SYNJ1: variants seen among roughly 807,000 people sequenced by gnomAD.
The protein encoded by SYNJ1 is synaptojanin 1.
In SYNJ1, 78 loss-of-function variants were observed where a neutral mutation model predicts 168.2. That is an observed-to-expected ratio of 0.46 (90% confidence interval 0.39 to 0.56). The LOEUF is 0.56. Among genes scored for constraint, SYNJ1 ranks in the 20% least tolerant of loss-of-function variants. The pLI, the probability that SYNJ1 is intolerant of heterozygous loss-of-function variation, is 0.00. For synonymous variants in SYNJ1, 539 were observed against 548.6 expected (o/e 0.98, Z 0.24); for missense variants, 1,303 against 1,597.6 (o/e 0.82, Z 3.14).
At chr21:32,718,574 C>T (rs906782493) in intron 2 of SYNJ1, among the ~76,000 whole-genome samples, 2 of 152,022 alleles carry the variant, frequency 1.3e-5, no homozygotes, top group East Asian at 3.9e-4. Context: ...AAAGTCACTT[C>T]TTCCCTCAAC....
chr21:32,710,722 G>C (rs919725217), intron 2 of SYNJ1, among the ~76,000 whole-genome samples: 7 of 152,064 alleles, frequency 4.6e-5, no homozygotes, highest in African/African-American at 1.7e-4. Context: ...AAAGGGACTT[G>C]TAAGTCCTAC....
At chr21:32,710,970 T>C (rs2042808800) in intron 2 of SYNJ1, among the ~76,000 whole-genome samples, 1 of 152,220 alleles carries the variant, frequency 6.6e-6, no homozygotes, top group South Asian at 2.1e-4. Flanking sequence ...AATAAGTTTG[T>C]TTTTGCTCAT....
At chr21:32,727,919 C>A in intron 1 of SYNJ1, 27 bp downstream of exon 1, 1 of 1,531,852 alleles carries the variant, frequency 6.5e-7, no homozygotes. Context: ...GCCGCAGCAG[C>A]TCCCCGCCCC....
At chr21:32,720,052 C>A (rs2043165316) in intron 2 of SYNJ1, among the ~76,000 whole-genome samples, 1 of 151,988 alleles carries the variant, frequency 6.6e-6, no homozygotes, top group Non-Finnish European at 1.5e-5. Context: ...CCAGCCTGAC[C>A]AACATGGAGA....
intron 22 of SYNJ1, 81 bp downstream of exon 22, chr21:32,653,207 T>C (rs1160363730): frequency 9.0e-6 from 10 of 1,105,118 alleles, no homozygotes; most frequent in South Asian, 2.7e-5. Flanking sequence ...TAGATAATCT[T>C]GCTGCATGTC....
In SYNJ1 at chr21:32,645,715, G is replaced by A. The variant is rs1430771224; in HGVS notation, c.3322C>T (p.Pro1108Ser). 1 of 1,471,710 alleles carries A rather than the reference G, an allele frequency of 6.8e-7. No individual in the cohort carries two copies. The highest frequency in any genetic ancestry group is 9.0e-7 in the Non-Finnish European group (1 of 1,113,348). 91.2% of individuals were successfully genotyped at this position (1,471,710 alleles called of 1,614,324 possible). A position where few individuals can be genotyped will look rare whatever the true frequency, so the allele number is the denominator to read the frequency against. Reference protein sequence around the residue: ...DPAQPLEPKRPPPPRPVAPPT... With the variant: ...DPAQPLEPKRSPPPRPVAPPT... Reference sequence around the variant, plus strand: ...GGGGCGACCGGGCGGGGCGGCGGCGGCCGCTTGGGCTCCAAGGGCTGGGCG... The same window carrying A: ...GGGGCGACCGGGCGGGGCGGCGGCGACCGCTTGGGCTCCAAGGGCTGGGCG... Residue 1108 changes from proline (P) to serine (S), a missense_variant, in exon 25 of 33, where the codon CCG becomes TCG. Transcript: ENST00000674351.
chr21:32,676,224 CA>C (rs1266731628), intron 13 of SYNJ1, 107 bp downstream of exon 13: 1 of 840,240 alleles, frequency 1.2e-6, no homozygotes, highest in Admixed American at 3.4e-5. Flanking sequence ...GATCTGATGG[CA>C]AAATGAGAAA....
intron 18 of SYNJ1, among the ~76,000 whole-genome samples, chr21:32,662,607 A>C (rs561283101): frequency 1.3e-4 from 20 of 152,342 alleles, no homozygotes; most frequent in African/African-American, 3.8e-4. Context: ...GCCCAAACGC[A>C]TAATCTTGAA....
Position 32,631,417 on chromosome 21 carries a change from C to T in SYNJ1, c.*388G>A, listed in dbSNP as rs1283277174. On this transcript the variant is annotated 3_prime_UTR_variant, in exon 33 of 33. Coordinates refer to ENST00000674351, the MANE Select transcript of SYNJ1 (RefSeq NM_203446.3). ...GGGAAAGGACTGATAGTAACGGGCT[C>T]TTCTTTGGAGAACCATGAAGTTGCC... 4 of 1,614,066 alleles carry T rather than the reference C, an allele frequency of 2.5e-6. No individual in the cohort carries two copies. The highest frequency in any genetic ancestry group is 2.7e-5 in the African/African-American group (2 of 74,934).
Position 32,726,908 on chromosome 21 carries a change from G to C in SYNJ1, c.-13C>G. The C allele has an allele frequency of 6.2e-7, 1 of 1,613,860 alleles. No individual in the cohort carries two copies. The highest frequency in any genetic ancestry group is 2.2e-5 in the East Asian group (1 of 44,840). On this transcript the variant is annotated 5_prime_UTR_variant, in exon 2 of 33. Coordinates refer to ENST00000674351, the MANE Select transcript of SYNJ1 (RefSeq NM_203446.3). ...TACTGAACGCCATTCTCCTTTCTTC[G>C]GAGGCAGCCCTGCGAAAACCAAGCA...
intron 1 of SYNJ1, among the ~76,000 whole-genome samples, chr21:32,727,328 G>C (rs1321478069): frequency 1.3e-5 from 2 of 152,182 alleles, no homozygotes; most frequent in Admixed American, 6.5e-5. Context: ...GAGGTGAAAG[G>C]AGCGGAGGTG....
chr21:32,717,794 CTT>C (rs1388955606), intron 2 of SYNJ1, among the ~76,000 whole-genome samples: 1 of 152,206 alleles, frequency 6.6e-6, no homozygotes, highest in Non-Finnish European at 1.5e-5. Flanking sequence ...CTCTGGAGCT[CTT>C]TGTGCAACTG....
chr21:32,712,050 C>T (rs1263823484), intron 2 of SYNJ1, among the ~76,000 whole-genome samples: 4 of 152,184 alleles, frequency 2.6e-5, no homozygotes, highest in Middle Eastern at 6.3e-3. Flanking sequence ...AATGAAGGGC[C>T]TACTATCCAA....
At chr21:32,722,422 C>T (rs1039926154) in intron 2 of SYNJ1, among the ~76,000 whole-genome samples, 6 of 151,310 alleles carry the variant, frequency 4.0e-5, no homozygotes, top group East Asian at 3.9e-4. Context: ...TGTTGGTGTG[C>T]GCCTGTAGTC....
At chr21:32,638,858 C>G (rs2039697827) in intron 31 of SYNJ1, 50 bp downstream of exon 31, 1 of 1,508,818 alleles carries the variant, frequency 6.6e-7, no homozygotes, top group Non-Finnish European at 8.9e-7. Flanking sequence ...TGTTCAAAGA[C>G]TAAATCATAT....
At chr21:32,718,902 C>T (rs565887265) in intron 2 of SYNJ1, among the ~76,000 whole-genome samples, 2 of 152,134 alleles carry the variant, frequency 1.3e-5, no homozygotes, top group African/African-American at 4.8e-5. Context: ...AACCTTAACG[C>T]CTTCCCTTAT....
chr21:32,725,166 T>C (rs1295537674), intron 2 of SYNJ1, among the ~76,000 whole-genome samples: 1 of 152,190 alleles, frequency 6.6e-6, no homozygotes, highest in Non-Finnish European at 1.5e-5. Flanking sequence ...CTTGCTATTA[T>C]GAGTAATCAT....
intron 19 of SYNJ1, among the ~76,000 whole-genome samples, chr21:32,657,471 A>C (rs762227): frequency 2.0e-5 from 3 of 152,014 alleles, no homozygotes; most frequent in African/African-American, 7.2e-5. Context: ...TTCAATTAAA[A>C]ATTTCACAAA....
At chr21:32,664,161 G>A (rs1439329711) in intron 18 of SYNJ1, among the ~76,000 whole-genome samples, 1 of 152,200 alleles carries the variant, frequency 6.6e-6, no homozygotes, top group Non-Finnish European at 1.5e-5. Flanking sequence ...ATGATAAAAA[G>A]CTTCATCACT....
Sources: gnomAD v4.1 joint callset for allele counts (sites outside exome capture counted in the v4.1 genomes callset) on GRCh38, gnomAD v4.1.1 for gene constraint, MANE v1.5 for transcripts, NCBI Gene and HGNC (gene_info 2026-07-23, HGNC 2026-07-21) for gene names.